Variants in PTPRD observed in about 807,000 individuals in gnomAD.
PTPRD encodes the protein receptor-type tyrosine-protein phosphatase delta.
In PTPRD, 34 loss-of-function variants were observed where a neutral mutation model predicts 214.5. That is an observed-to-expected ratio of 0.16 (90% CI 0.12 to 0.21). The LOEUF (loss-of-function observed/expected upper bound fraction) is 0.21, where lower values mean the gene tolerates loss of function less well. PTPRD is among the 10% of genes least tolerant of loss of function. PTPRD has a pLI of 1.00. For missense variants in PTPRD, 2,545 were observed against 2,398.7 expected (o/e 1.06, Z -1.27); for synonymous variants, 1,128 against 845.7 (o/e 1.33, Z -5.79).
intron 2 of PTPRD, among the ~76,000 whole-genome samples, chr9:10,399,390 C>A (rs936196854): frequency 1.3e-5 from 2 of 151,904 alleles, no homozygotes; most frequent in Non-Finnish European, 2.9e-5. Context: ...AGAAATACAA[C>A]ATTAACATTA....
chr9:9,297,299 C>A (rs181629785), intron 9 of PTPRD, among the ~76,000 whole-genome samples: 4 of 151,326 alleles, frequency 2.6e-5, no homozygotes, highest in Non-Finnish European at 4.4e-5. Flanking sequence ...TCTTTATAGG[C>A]CAGAAAATAC....
chr9:10,053,744 A>G (rs1483240969), intron 3 of PTPRD, among the ~76,000 whole-genome samples: 3 of 152,086 alleles, frequency 2.0e-5, no homozygotes, highest in Non-Finnish European at 4.4e-5. Context: ...TTCATTCTGT[A>G]TAGGACATAG....
intron 3 of PTPRD, among the ~76,000 whole-genome samples, chr9:10,237,663 C>T (rs2099633409): frequency 1.3e-5 from 2 of 151,866 alleles, no homozygotes; most frequent in Non-Finnish European, 2.9e-5. Flanking sequence ...CCTCCTCTTC[C>T]TAGGTCTGCA....
intron 9 of PTPRD, among the ~76,000 whole-genome samples, chr9:9,317,223 G>A (rs1241353389): frequency 6.6e-6 from 1 of 152,072 alleles, no homozygotes; most frequent in Non-Finnish European, 1.5e-5. Flanking sequence ...GGCTTTCCAA[G>A]AATGGCATTA....
chr9:9,332,001 A>T (rs1051694398), intron 9 of PTPRD, among the ~76,000 whole-genome samples: 3 of 152,062 alleles, frequency 2.0e-5, no homozygotes, highest in Non-Finnish European at 4.4e-5. Flanking sequence ...TGGGAGGAAT[A>T]AAAGGCTATG....
intron 5 of PTPRD, among the ~76,000 whole-genome samples, chr9:9,826,213 G>C (rs1240175874): frequency 9.3e-5 from 14 of 150,948 alleles, no homozygotes; most frequent in Non-Finnish European, 2.1e-4. Context: ...CTTTTTCTTA[G>C]TGCTTCATCC....
intron 3 of PTPRD, among the ~76,000 whole-genome samples, chr9:10,038,969 T>A (rs1395112684): frequency 6.6e-6 from 1 of 152,022 alleles, no homozygotes; most frequent in Non-Finnish European, 1.5e-5. Flanking sequence ...CCAAACACTT[T>A]ATTCTTTTGT....
chr9:9,967,882 C>G (rs1321182230), intron 4 of PTPRD, among the ~76,000 whole-genome samples: 1 of 152,092 alleles, frequency 6.6e-6, no homozygotes, highest in African/African-American at 2.4e-5. Context: ...TACAAGTATA[C>G]TTGATAGAAG....
At chr9:9,429,421 C>G (rs1056611127) in intron 8 of PTPRD, among the ~76,000 whole-genome samples, 5 of 151,996 alleles carry the variant, frequency 3.3e-5, no homozygotes, top group African/African-American at 1.2e-4. Context: ...AGCCTACTGA[C>G]CAAAAAAAGT....
At chr9:10,135,038 ACTC>A (rs2098931925) in intron 3 of PTPRD, among the ~76,000 whole-genome samples, 1 of 152,130 alleles carries the variant, frequency 6.6e-6, no homozygotes, top group South Asian at 2.1e-4. Flanking sequence ...ACCAAATTGA[ACTC>A]CTGGAATTGA....
intron 11 of PTPRD, among the ~76,000 whole-genome samples, chr9:8,935,360 G>A (rs112160156): frequency 6.6e-6 from 1 of 152,046 alleles, no homozygotes; most frequent in East Asian, 1.9e-4. Flanking sequence ...AGCATCTCAA[G>A]AACAAACAAA....
At chr9:10,011,020 C>G (rs1176213832) in intron 4 of PTPRD, among the ~76,000 whole-genome samples, 3 of 151,902 alleles carry the variant, frequency 2.0e-5, no homozygotes, top group African/African-American at 4.8e-5. Flanking sequence ...TACTGCAAAT[C>G]CTACAAAGTT....
At chr9:9,526,524 T>C (rs2074164280) in intron 8 of PTPRD, among the ~76,000 whole-genome samples, 2 of 152,210 alleles carry the variant, frequency 1.3e-5, no homozygotes, top group African/African-American at 4.8e-5. Context: ...CTAGAGTTTT[T>C]ATGCAGATGC....
chr9:9,789,267 T>C (rs1429643061), intron 5 of PTPRD, among the ~76,000 whole-genome samples: 3 of 152,206 alleles, frequency 2.0e-5, no homozygotes, highest in South Asian at 4.1e-4. Context: ...GTAAGCATCA[T>C]CAAGCGGAAT....
chr9:9,825,396 CAGAGAGAGAAAG>C (rs71319299), intron 5 of PTPRD, among the ~76,000 whole-genome samples: 26,007 of 144,838 alleles, frequency 0.18, 2,595 homozygotes, highest in African/African-American at 0.28. Flanking sequence ...GAGAGAGAGA[CAGAGAGAGAAAG>C]AGAGAGAGAA....
rs183953489 is a variant in PTPRD at position 10,318,498 on chromosome 9, T to G, written c.-545+22465A>C. Among the ~76,000 whole-genome samples the G allele has an allele frequency of 6.6e-5, 10 of 152,172 alleles. No individual in the cohort carries two copies. In the East Asian group the frequency reaches 2.0e-3, roughly 30 times the overall value. ...GCCTCTTAGTCAGCAAAGTAATTGC[T>G]TTCCCAGGACCCGTATTCTGTGTAT... On this transcript the variant is annotated intron_variant, in intron 3 of 45. Transcript: ENST00000381196.
At chr9:9,630,204 T>C (rs771265586) in intron 7 of PTPRD, among the ~76,000 whole-genome samples, 7 of 152,240 alleles carry the variant, frequency 4.6e-5, no homozygotes, top group Non-Finnish European at 7.3e-5. Context: ...TGAGTGAAGA[T>C]AAGCTCTTCT....
intron 32 of PTPRD, among the ~76,000 whole-genome samples, chr9:8,461,508 C>T (rs56052876): frequency 0.014 from 2,080 of 152,100 alleles, 37 homozygotes; most frequent in African/African-American, 0.041. Flanking sequence ...CCCTATCTTC[C>T]ACTTTCCAAT....
intron 5 of PTPRD, among the ~76,000 whole-genome samples, chr9:9,900,949 T>C (rs999873747): frequency 1.3e-5 from 2 of 152,146 alleles, no homozygotes; most frequent in Admixed American, 6.6e-5. Flanking sequence ...ATTTTATGTA[T>C]TAGTCCATTT....
Sources: gnomAD v4.1 joint callset for allele counts (sites outside exome capture counted in the v4.1 genomes callset) on GRCh38, gnomAD v4.1.1 for gene constraint, MANE v1.5 for transcripts, NCBI Gene and HGNC (gene_info 2026-07-23, HGNC 2026-07-21) for gene names.